DPP10: variants seen among roughly 807,000 people sequenced by gnomAD.
The protein encoded by DPP10 is inactive dipeptidyl peptidase 10.
DPP10 carries 33 observed loss-of-function variants against 120.9 expected under a neutral mutation model. The ratio of observed to expected loss-of-function variants is 0.27; its 90% confidence interval spans 0.21 to 0.37. DPP10 has a LOEUF of 0.37. Among genes scored for constraint, DPP10 ranks in the 10% least tolerant of loss-of-function variants. The pLI is 1.00. For missense variants in DPP10, 816 were observed against 942.8 expected, an observed-to-expected ratio of 0.87 and a Z score of 1.76; for synonymous variants, 337 against 326.1, an observed-to-expected ratio of 1.03 and a Z score of -0.36.
intron 1 of DPP10, among the ~76,000 whole-genome samples, chr2:114,988,155 T>C (rs2104907499): frequency 1.3e-5 from 2 of 152,306 alleles, no homozygotes; most frequent in Admixed American, 1.3e-4. Context: ...TAATTGAATG[T>C]CTGGCGCAGT....
intron 5 of DPP10, among the ~76,000 whole-genome samples, chr2:115,592,402 C>G (rs1575273560): frequency 6.6e-6 from 1 of 152,034 alleles, no homozygotes; most frequent in Middle Eastern, 3.4e-3. Flanking sequence ...GTGTCAGCCT[C>G]TCAATCTCTC....
At chr2:115,156,995 C>T (rs1416270396) in intron 1 of DPP10, among the ~76,000 whole-genome samples, 3 of 151,896 alleles carry the variant, frequency 2.0e-5, no homozygotes, top group Non-Finnish European at 4.4e-5. Context: ...CATTAAATGA[C>T]AACTCTTAAA....
chr2:114,449,755 G>A (rs577271002), intron 1 of DPP10, among the ~76,000 whole-genome samples: 5 of 152,198 alleles, frequency 3.3e-5, no homozygotes, highest in Admixed American at 6.5e-5. Flanking sequence ...TGTTCTAGTA[G>A]CAATTTTTAA....
intron 1 of DPP10, among the ~76,000 whole-genome samples, chr2:114,907,908 A>C (rs796794420): frequency 2.0e-5 from 3 of 152,164 alleles, no homozygotes; most frequent in African/African-American, 7.2e-5. Flanking sequence ...TTGAGTATTA[A>C]AGTTTCCAAC....
At chr2:115,599,900 C>T (rs947210440) in intron 5 of DPP10, among the ~76,000 whole-genome samples, 2 of 152,082 alleles carry the variant, frequency 1.3e-5, no homozygotes. Context: ...ATTTTGCCCA[C>T]CATCCTCCAT....
intron 1 of DPP10, among the ~76,000 whole-genome samples, chr2:114,972,909 AATCAC>A (rs1699490765): frequency 6.6e-6 from 1 of 152,240 alleles, no homozygotes; most frequent in South Asian, 2.1e-4. Context: ...AATATTTGCT[AATCAC>A]ACAACCAAAA....
intron 1 of DPP10, among the ~76,000 whole-genome samples, chr2:114,747,690 C>A (rs1365096710): frequency 6.6e-6 from 1 of 152,194 alleles, no homozygotes; most frequent in Non-Finnish European, 1.5e-5. Context: ...GTTCTTTCTT[C>A]TCTGGATCAT....
At chr2:115,573,340 TTGTA>T (rs2081452138) in intron 5 of DPP10, among the ~76,000 whole-genome samples, 1 of 148,330 alleles carries the variant, frequency 6.7e-6, no homozygotes, top group African/African-American at 2.5e-5. Context: ...TGGAGTGCAG[TTGTA>T]GGATCTTGGC....
intron 1 of DPP10, among the ~76,000 whole-genome samples, chr2:114,664,828 A>G (rs112119572): frequency 0.1 from 14,940 of 149,148 alleles, 688 homozygotes; most frequent in Admixed American, 0.19. Context: ...CATCCAAAAG[A>G]TGGCAGAGAG....
At position 114,968,119 on chromosome 2, in the gene DPP10, A is replaced by T. The variant is rs969851327; in HGVS notation, c.61-341120A>T. Among the ~76,000 whole-genome samples, 46 of 152,302 alleles carry T rather than the reference A, an allele frequency of 3.0e-4. 1 individual carries two copies. The highest frequency in any genetic ancestry group is 1.1e-3 in the African/African-American group (45 of 41,578). On this transcript the variant is annotated intron_variant, in intron 1 of 25. Transcript: ENST00000410059. ...CCTCAAAAAAATTTGAGCCTGCTTT[A>T]CCTAAAGCATAACATCTAAAAATGT...
intron 5 of DPP10, among the ~76,000 whole-genome samples, chr2:115,546,300 A>G (rs186256048): frequency 1.2e-3 from 185 of 152,248 alleles, no homozygotes; most frequent in Non-Finnish European, 2.2e-3. Context: ...TTCTAACCCA[A>G]AATTACGTAT....
Position 115,463,638 on chromosome 2 carries a change from T to A in DPP10, c.272-35872T>A, listed in dbSNP as rs141682973. Among the ~76,000 whole-genome samples, 73 of 152,276 alleles carry A rather than the reference T, an allele frequency of 4.8e-4. No individual in the cohort carries two copies. The East Asian group carries it at 0.014, about 28-fold the overall frequency. ...GATTTGGTCTTCCTTATGTGATGAG[T>A]ATTGGGATATCATACTTTATTTTGG... On this transcript the variant is annotated intron_variant, in intron 3 of 25. Transcript: ENST00000410059.
At chr2:114,936,259 G>A (rs893790052) in intron 1 of DPP10, among the ~76,000 whole-genome samples, 1 of 151,958 alleles carries the variant, frequency 6.6e-6, no homozygotes, top group African/African-American at 2.4e-5. Context: ...CCATTCCTGA[G>A]TTGCTTCGCT....
intron 1 of DPP10, among the ~76,000 whole-genome samples, chr2:114,556,251 A>ATATATATATC (rs1417016458): frequency 7.5e-6 from 1 of 132,736 alleles, no homozygotes. Context: ...ATATATATAT[A>ATATATATATC]TATATATATA....
intron 1 of DPP10, among the ~76,000 whole-genome samples, chr2:115,271,552 G>T (rs1186541216): frequency 6.6e-6 from 1 of 152,034 alleles, no homozygotes; most frequent in Non-Finnish European, 1.5e-5. Flanking sequence ...TACACAGAAA[G>T]AATAAGTAGT....
chr2:115,145,997 T>C (rs1456262538), intron 1 of DPP10, among the ~76,000 whole-genome samples: 1 of 152,150 alleles, frequency 6.6e-6, no homozygotes, highest in Admixed American at 6.6e-5. Context: ...TACTAGGCAC[T>C]ATGCAGAGTA....
intron 1 of DPP10, among the ~76,000 whole-genome samples, chr2:114,865,257 A>C (rs1690132148): frequency 6.6e-6 from 1 of 152,192 alleles, no homozygotes; most frequent in Non-Finnish European, 1.5e-5. Flanking sequence ...TGAATATTTT[A>C]ATTGGTCTCA....
chr2:114,706,381 C>G (rs1217881328), intron 1 of DPP10, among the ~76,000 whole-genome samples: 1 of 152,072 alleles, frequency 6.6e-6, no homozygotes, highest in East Asian at 1.9e-4. Context: ...GTTCTGGAAG[C>G]CAGAATTCAA....
chr2:114,837,582 CA>C (rs1177902189), intron 1 of DPP10, among the ~76,000 whole-genome samples: 3,443 of 145,332 alleles, frequency 0.024, 139 homozygotes, highest in African/African-American at 0.079. Flanking sequence ...TGTTCTCTGT[CA>C]AAAAAAAAAA....
Sources: gnomAD v4.1 joint callset for allele counts (sites outside exome capture counted in the v4.1 genomes callset) on GRCh38, gnomAD v4.1.1 for gene constraint, MANE v1.5 for transcripts, NCBI Gene and HGNC (gene_info 2026-07-23, HGNC 2026-07-21) for gene names.